The following SCP2 variants were observed in gnomAD, a reference collection of about 807,000 sequenced individuals.
SCP2 encodes SCP-2/3-oxoacyl-CoA thiolase.
In SCP2, 48 loss-of-function variants were observed where a neutral mutation model predicts 71.4. The observed-to-expected ratio is 0.67, with a 90% CI of 0.53 to 0.86. SCP2 has a LOEUF of 0.86. SCP2 is among the 40% of genes least tolerant of loss of function. The probability of loss-of-function intolerance (pLI) is 0.00; values close to 1 mark genes in which losing one functional copy is unlikely to be tolerated. For missense variants in SCP2, 560 were observed against 655.6 expected (o/e 0.85, Z 1.59); for synonymous variants, 220 against 218.1 (o/e 1.01, Z -0.08).
intron 10 of SCP2, among the ~76,000 whole-genome samples, chr1:52,985,246 C>T (rs955941429): frequency 6.6e-6 from 1 of 152,196 alleles, no homozygotes; most frequent in Non-Finnish European, 1.5e-5. Flanking sequence ...TTGGATGTCT[C>T]ATAAGCATCT....
At chr1:53,005,867 C>T (rs576152801) in intron 11 of SCP2, among the ~76,000 whole-genome samples, 95 of 152,064 alleles carry the variant, frequency 6.2e-4, no homozygotes, top group African/African-American at 2.2e-3. Flanking sequence ...CGCAAAGAAG[C>T]TAAAAACCTT....
chr1:52,927,548 G>T, intron 1 of SCP2, 83 bp downstream of exon 1: 2 of 1,016,852 alleles, frequency 2.0e-6, no homozygotes, highest in South Asian at 1.4e-5. Flanking sequence ...CGGTCTCCTA[G>T]CTTCGACTGC....
chr1:52,981,201 G>A (rs1658460524), intron 10 of SCP2, among the ~76,000 whole-genome samples: 2 of 152,176 alleles, frequency 1.3e-5, no homozygotes, highest in South Asian at 4.1e-4. Context: ...TAAAGTGCTG[G>A]AATTATAGGC....
At chr1:53,010,780 TA>T (rs1266232001) in intron 11 of SCP2, among the ~76,000 whole-genome samples, 2 of 151,934 alleles carry the variant, frequency 1.3e-5, no homozygotes, top group Non-Finnish European at 2.9e-5. Flanking sequence ...AGTATAACAA[TA>T]AAAAAAGGTA....
chr1:52,963,162 C>T (rs909527657), intron 6 of SCP2, among the ~76,000 whole-genome samples: 1 of 152,036 alleles, frequency 6.6e-6, no homozygotes, highest in Non-Finnish European at 1.5e-5. Context: ...CTCCTGTTAT[C>T]CTCTTTCTTA....
At chr1:53,039,353 G>A (rs779664324) in intron 14 of SCP2, among the ~76,000 whole-genome samples, 15 of 152,204 alleles carry the variant, frequency 9.9e-5, no homozygotes, top group Non-Finnish European at 2.1e-4. Flanking sequence ...TTTCTCTTCT[G>A]TAAATGGGCT....
rs35871937 is a variant in SCP2, at chr1:52,950,108, T to TTTTATTTA, written c.200-623_200-616dup. Among the ~76,000 whole-genome samples the TTTTATTTA allele has an allele frequency of 5.7e-3, 858 of 151,304 alleles. 5 individuals are homozygous for TTTTATTTA. The highest frequency in any genetic ancestry group is 0.019 in the African/African-American group (769 of 40,964). On this transcript the variant is annotated intron_variant, in intron 3 of 15. Transcript: ENST00000371514. Reference sequence around the variant, plus strand: ...TTAATCACTGGCATAGGTTTAAAGATTTTATTTATTTATTTATTTATTTAT... The same window carrying TTTTATTTA: ...TTAATCACTGGCATAGGTTTAAAGATTTTATTTATTTATTTATTTATTTATTTATTTAT...
intron 6 of SCP2, among the ~76,000 whole-genome samples, chr1:52,967,679 G>T (rs937566887): frequency 3.9e-5 from 6 of 152,078 alleles, no homozygotes; most frequent in African/African-American, 1.4e-4. Context: ...GAAAGAAGGG[G>T]TCAGGGGGCT....
intron 11 of SCP2, 51 bp downstream of exon 11, chr1:52,988,187 T>C (rs1453087593): frequency 1.1e-6 from 1 of 903,598 alleles, no homozygotes; most frequent in Non-Finnish European, 1.9e-6. Context: ...TTTCCTTAAG[T>C]GTGAATGAGT....
At chr1:52,996,403 G>A (rs758200435) in intron 11 of SCP2, among the ~76,000 whole-genome samples, 13 of 152,200 alleles carry the variant, frequency 8.5e-5, no homozygotes, top group African/African-American at 2.9e-4. Flanking sequence ...AGCCCAAAGC[G>A]AAAGATGGTA....
At chr1:52,965,687 T>C (rs1035429216) in intron 6 of SCP2, among the ~76,000 whole-genome samples, 4 of 152,064 alleles carry the variant, frequency 2.6e-5, no homozygotes, top group African/African-American at 9.7e-5. Context: ...CAGGCTGGAG[T>C]GCAATGGCAT....
chr1:53,001,184 G>C (rs761738444), intron 11 of SCP2, among the ~76,000 whole-genome samples: 3 of 151,848 alleles, frequency 2.0e-5, no homozygotes, highest in Non-Finnish European at 2.9e-5. Context: ...GATAATACAA[G>C]AACACAAATA....
intron 12 of SCP2, among the ~76,000 whole-genome samples, chr1:53,024,568 T>TTTC (rs1491178152): frequency 3.5e-5 from 5 of 143,340 alleles, no homozygotes; most frequent in East Asian, 4.5e-4. Flanking sequence ...TCTTTCTTTC[T>TTTC]TTTTTTTTCT....
chr1:52,978,120 A>C (rs1313638896), intron 8 of SCP2, 97 bp from the exon 9 acceptor site: 4 of 1,078,742 alleles, frequency 3.7e-6, no homozygotes, highest in Non-Finnish European at 5.7e-6. Context: ...ACCAGCAAGC[A>C]TATTTGGCCT....
intron 11 of SCP2, among the ~76,000 whole-genome samples, chr1:53,012,517 G>C (rs79566296): frequency 0.037 from 5,638 of 152,270 alleles, 206 homozygotes; most frequent in East Asian, 0.2. Context: ...AGGAGCATTT[G>C]CTCCCTTTGC....
chr1:52,937,968 T>C (rs1305043007), intron 1 of SCP2, among the ~76,000 whole-genome samples: 1 of 152,166 alleles, frequency 6.6e-6, no homozygotes, highest in East Asian at 1.9e-4. Flanking sequence ...TCATGAACTT[T>C]CTGGAAAAGG....
At chr1:53,032,288 A>G (rs909289353) in intron 13 of SCP2, among the ~76,000 whole-genome samples, 3 of 152,238 alleles carry the variant, frequency 2.0e-5, no homozygotes, top group African/African-American at 7.2e-5. Context: ...TGTACTACCC[A>G]CTAGCCATAT....
At chr1:53,021,492 T>C (rs899280184) in intron 12 of SCP2, among the ~76,000 whole-genome samples, 1 of 151,462 alleles carries the variant, frequency 6.6e-6, no homozygotes, top group African/African-American at 2.4e-5. Context: ...GGCTAATTTT[T>C]GTATTTTTAG....
At chr1:52,960,514 GTGTGTATA>G (rs1656262693) in intron 5 of SCP2, among the ~76,000 whole-genome samples, 1 of 130,148 alleles carries the variant, frequency 7.7e-6, no homozygotes, top group Non-Finnish European at 1.6e-5. Flanking sequence ...GTGTGTGTGT[GTGTGTATA>G]TGTGTGTATA....
Sources: gnomAD v4.1 joint callset for allele counts (sites outside exome capture counted in the v4.1 genomes callset) on GRCh38, gnomAD v4.1.1 for gene constraint, MANE v1.5 for transcripts, NCBI Gene and HGNC (gene_info 2026-07-23, HGNC 2026-07-21) for gene names.